COX5A: variants seen among roughly 807,000 people sequenced by gnomAD.
COX5A encodes cytochrome c oxidase subunit 5A.
COX5A carries 6 observed loss-of-function variants against 16.1 expected under a neutral mutation model. The ratio of observed to expected loss-of-function variants is 0.37; its 90% confidence interval spans 0.20 to 0.73. The LOEUF (loss-of-function observed/expected upper bound fraction) is 0.73. Ranked by LOEUF, COX5A falls within the 30% of genes least tolerant of loss-of-function variation. COX5A has a pLI of 0.50. For missense variants in COX5A, 159 were observed against 194.9 expected (o/e 0.82, Z 1.10); for synonymous variants, 73 against 73.8 (o/e 0.99, Z 0.06).
chr15:74,929,082 C>A, intron 2 of COX5A, 34 bp downstream of exon 2: 1 of 1,460,418 alleles, frequency 6.8e-7, no homozygotes, highest in Non-Finnish European at 9.6e-7. Context: ...TATTTACACA[C>A]CAAAATAGAC....
chr15:74,925,881 T>A (rs80084106), intron 3 of COX5A, among the ~76,000 whole-genome samples: 1 of 150,296 alleles, frequency 6.7e-6, no homozygotes, highest in Non-Finnish European at 1.5e-5. Context: ...TTTTTTTTTT[T>A]AGAGACGGAG....
chr15:74,928,992 G>A lies in COX5A; in HGVS notation c.217+124C>T, dbSNP rs191550222. Reference sequence around the variant, plus strand: ...TAGGTAGCCATAAACTTTCCTAACTGCAAGTTGCATGAAGTAACCAGTTTA... The same window carrying A: ...TAGGTAGCCATAAACTTTCCTAACTACAAGTTGCATGAAGTAACCAGTTTA... On this transcript the variant is annotated intron_variant, in intron 2 of 4. Coordinates refer to ENST00000322347, the MANE Select transcript of COX5A (RefSeq NM_004255.4). 1.1e-5 allele frequency: 8 copies of A among 719,782 alleles called. No homozygotes were observed. In the African/African-American group the frequency reaches 1.2e-4, roughly 11 times the overall value. The allele number at this position is 719,782 out of a possible 1,614,324, so 44.6% of individuals were successfully genotyped here.
At chr15:74,937,626 C>A in intron 1 of COX5A, 1 of 259,060 alleles carries the variant, frequency 3.9e-6, no homozygotes, top group Non-Finnish European at 7.3e-6. Context: ...GGGTCATGGC[C>A]CGGGAACCGA....
intron 1 of COX5A, among the ~76,000 whole-genome samples, chr15:74,933,921 G>A (rs2065377772): frequency 6.6e-6 from 1 of 152,188 alleles, no homozygotes; most frequent in African/African-American, 2.4e-5. Context: ...AAGTCAAGGA[G>A]ATCACCACCT....
At chr15:74,924,524 A>AT (rs2065335303) in intron 3 of COX5A, among the ~76,000 whole-genome samples, 1 of 119,650 alleles carries the variant, frequency 8.4e-6, no homozygotes, top group African/African-American at 2.8e-5. Flanking sequence ...CTGTCTCAAA[A>AT]AAATAATAAT....
chr15:74,934,392 G>A (rs1208810571), intron 1 of COX5A, among the ~76,000 whole-genome samples: 4 of 150,916 alleles, frequency 2.7e-5, no homozygotes, highest in East Asian at 1.9e-4. Flanking sequence ...GTGCAGTGGC[G>A]CAATCTCAGC....
intron 1 of COX5A, among the ~76,000 whole-genome samples, chr15:74,931,448 G>GTGAGA (rs2065367150): frequency 6.6e-6 from 1 of 151,988 alleles, no homozygotes; most frequent in South Asian, 2.1e-4. Context: ...TTGAGGTGAG[G>GTGAGA]TGAGATGATG....
At chr15:74,936,461 G>C (rs2065390516) in intron 1 of COX5A, among the ~76,000 whole-genome samples, 1 of 151,684 alleles carries the variant, frequency 6.6e-6, no homozygotes, top group Non-Finnish European at 1.5e-5. Flanking sequence ...GCTGAGGTGG[G>C]AGGATCACCT....
At chr15:74,930,966 G>C (rs1176806923) in intron 1 of COX5A, among the ~76,000 whole-genome samples, 1 of 118,388 alleles carries the variant, frequency 8.4e-6, no homozygotes, top group African/African-American at 3.3e-5. Flanking sequence ...GCAGTGAGCA[G>C]AGATCACGCC....
intron 2 of COX5A, among the ~76,000 whole-genome samples, chr15:74,928,392 T>C (rs886387903): frequency 6.6e-6 from 1 of 152,080 alleles, no homozygotes; most frequent in African/African-American, 2.4e-5. Flanking sequence ...TAAATTCTTT[T>C]TTTTTTTTCT....
At chr15:74,935,829 A>G (rs1014717919) in intron 1 of COX5A, among the ~76,000 whole-genome samples, 7 of 149,442 alleles carry the variant, frequency 4.7e-5, no homozygotes, top group Admixed American at 2.0e-4. Context: ...ATCTCAGGTA[A>G]TCTACCCGCC....
Position 74,919,906 on chromosome 15 carries a change from C to A in COX5A, c.*546G>T. 1 of 154,982 alleles carries A rather than the reference C, an allele frequency of 6.5e-6. No individual in the cohort carries two copies. Among genetic ancestry groups the A allele is most frequent in the Non-Finnish European group, 1.4e-5 (1 of 70,072 alleles). 9.6% of individuals were successfully genotyped at this position (154,982 alleles called of 1,614,324 possible). A position where few individuals can be genotyped will look rare whatever the true frequency, so the allele number is the denominator to read the frequency against. ...GAACAGGTAGGAAAGGAAAGGGGCACTAAGAGAGGAACACACCGTAAGAGG... is the reference window on the plus strand; with the variant it reads ...GAACAGGTAGGAAAGGAAAGGGGCAATAAGAGAGGAACACACCGTAAGAGG... On this transcript the variant is annotated 3_prime_UTR_variant, in exon 5 of 5. Coordinates refer to ENST00000322347, the MANE Select transcript of COX5A (RefSeq NM_004255.4).
chr15:74,924,687 A>C (rs1309357111), intron 3 of COX5A, among the ~76,000 whole-genome samples: 1 of 152,218 alleles, frequency 6.6e-6, no homozygotes, highest in African/African-American at 2.4e-5. Context: ...AATTTTGTGA[A>C]GGCAATTAGA....
At chr15:74,933,323 A>C (rs1191222671) in intron 1 of COX5A, among the ~76,000 whole-genome samples, 2 of 151,966 alleles carry the variant, frequency 1.3e-5, no homozygotes, top group Admixed American at 1.3e-4. Flanking sequence ...CTGAAGGAGG[A>C]GAATAGCTTG....
At chr15:74,924,240 CGGTAAGTAG>C (rs2065333742) in intron 3 of COX5A, among the ~76,000 whole-genome samples, 1 of 151,622 alleles carries the variant, frequency 6.6e-6, no homozygotes, top group Non-Finnish European at 1.5e-5. Context: ...CACATTTGTT[CGGTAAGTAG>C]GGCAACTTGC....
At position 74,923,695 on chromosome 15, in the gene COX5A, T is replaced by G. The variant is rs1230009824; in HGVS notation, c.415A>C (p.Ile139Leu). 6.2e-7 allele frequency: 1 copy of G among 1,611,690 alleles called. No individual in the cohort carries two copies. Among genetic ancestry groups the G allele is most frequent in the African/African-American group, 1.3e-5 (1 of 74,864 alleles). The change falls in exon 4 of 5, where the codon ATC (isoleucine) becomes CTC (leucine). Residue 139 changes from isoleucine (I) to leucine (L), a missense_variant. Ile to Leu is a conservative substitution (Grantham distance 5). Transcript: ENST00000322347. ...ELRPTLNELG[I>L]STPEELGLDK... ...AGGCCCAGTTCCTCCGGAGTGGAGA[T>G]TCCCAGTTCATTTAAAGTTGGTCTA...
At chr15:74,925,437 G>T (rs917852790) in intron 3 of COX5A, among the ~76,000 whole-genome samples, 1 of 151,954 alleles carries the variant, frequency 6.6e-6, no homozygotes. Flanking sequence ...TGCCCAGGCT[G>T]GAGTGCAATG....
Position 74,929,529 on chromosome 15 carries a change from T to C in COX5A, c.101-297A>G, listed in dbSNP as rs549454423. On this transcript the variant is annotated intron_variant, in intron 1 of 4. Transcript: ENST00000322347. ...GATTTTAAATTAACAGTGATTATCA[T>C]GGGACGTAAAAACTACTTTATATAC... 3.3e-5 allele frequency among the ~76,000 whole-genome samples: 5 copies of C among 152,326 alleles called. No homozygotes were observed. The East Asian group carries it at 7.7e-4, about 23-fold the overall frequency.
chr15:74,927,247 G>A (rs2065348500), intron 2 of COX5A, among the ~76,000 whole-genome samples: 1 of 152,034 alleles, frequency 6.6e-6, no homozygotes, highest in Non-Finnish European at 1.5e-5. Flanking sequence ...TGCCACCTCA[G>A]CTTACTGCAA....
Sources: allele counts gnomAD v4.1 joint callset (sites outside exome capture counted in the v4.1 genomes callset), GRCh38; gene constraint gnomAD v4.1.1; transcripts MANE v1.5; gene names NCBI Gene and HGNC (gene_info 2026-07-23, HGNC 2026-07-21).